Variants in SFMBT2 observed in about 807,000 individuals in gnomAD.
The protein encoded by SFMBT2 is Scm like with four mbt domains 2, also known as scm-like with four MBT domains protein 2.
A neutral mutation model predicts 110.1 loss-of-function variants in SFMBT2; 38 were observed. The observed-to-expected ratio is 0.35, with a 90% CI of 0.27 to 0.45. SFMBT2 has a LOEUF of 0.45. Among genes scored for constraint, SFMBT2 ranks in the 20% least tolerant of loss-of-function variants. The pLI is 1.00. For missense variants in SFMBT2, 1,011 were observed against 1,094.9 expected, an observed-to-expected ratio of 0.92 and a Z score of 1.08; for synonymous variants, 425 against 425.4, an observed-to-expected ratio of 1.00 and a Z score of 0.01.
chr10:7,269,827 C>CTT (rs5782963), intron 7 of SFMBT2, among the ~76,000 whole-genome samples: 120 of 136,638 alleles, frequency 8.8e-4, no homozygotes, highest in African/African-American at 2.8e-3. Context: ...GAAGATTTCT[C>CTT]TTTTTTTTTT....
chr10:7,361,020 G>A (rs1564458051), intron 4 of SFMBT2, among the ~76,000 whole-genome samples: 1 of 151,904 alleles, frequency 6.6e-6, no homozygotes, highest in African/African-American at 2.4e-5. Context: ...ATGACTTTTG[G>A]TTTATTTACA....
intron 4 of SFMBT2, among the ~76,000 whole-genome samples, chr10:7,321,333 C>G (rs1843181002): frequency 6.6e-6 from 1 of 151,936 alleles, no homozygotes; most frequent in South Asian, 2.1e-4. Context: ...TCCTGAGTAG[C>G]TGGGACTACA....
At chr10:7,341,858 C>A (rs1036921811) in intron 4 of SFMBT2, among the ~76,000 whole-genome samples, 2 of 152,130 alleles carry the variant, frequency 1.3e-5, no homozygotes, top group Non-Finnish European at 2.9e-5. Flanking sequence ...TATATTCTGT[C>A]TACTATTGGT....
At chr10:7,241,364 T>C in intron 9 of SFMBT2, 1 of 979,534 alleles carries the variant, frequency 1.0e-6, no homozygotes, top group Non-Finnish European at 1.2e-6. Flanking sequence ...TAGTTTCTTA[T>C]TGGAAGGTAC....
rs761338317 is a variant in SFMBT2, at chr10:7,171,031, C to T, written c.2441G>A (p.Arg814Lys). ...TEDTKQEEEE[R>K]LVLESNPLEW... ...CAACGGGTTGCTCTCCAGAACCAGT[C>T]TCTCCTCCTCCTCCTGTTTCGTGTC... is the stretch of plus-strand genomic sequence containing the variant. The change falls in exon 20 of 21, where the codon AGA (arginine) becomes AAA (lysine). Residue 814 changes from arginine (R) to lysine (K), a missense_variant. Physicochemically the swap from Arg to Lys is conservative, Grantham distance 26 (BLOSUM62 2). Transcript: ENST00000397167. The surrounding 1 kb of genome is among the most constrained non-coding windows in gnomAD (Gnocchi z 4.9). 2 of 1,614,056 alleles carry T rather than the reference C, an allele frequency of 1.2e-6. No homozygotes were observed. The highest frequency in any genetic ancestry group is 1.7e-6 in the Non-Finnish European group (2 of 1,180,028).
intron 7 of SFMBT2, among the ~76,000 whole-genome samples, chr10:7,270,846 G>T (rs1341255331): frequency 1.3e-5 from 2 of 152,110 alleles, no homozygotes; most frequent in African/African-American, 4.8e-5. Context: ...TAATAGCTTT[G>T]TGCAAAGACA....
At chr10:7,228,460 G>T (rs1418924594) in intron 9 of SFMBT2, 1 of 577,104 alleles carries the variant, frequency 1.7e-6, no homozygotes, top group African/African-American at 2.0e-5. Flanking sequence ...AAGAGTAGAG[G>T]GTTTGGAGAG....
At chr10:7,192,294 T>C (rs992172291) in intron 15 of SFMBT2, among the ~76,000 whole-genome samples, 2 of 152,222 alleles carry the variant, frequency 1.3e-5, no homozygotes, top group African/African-American at 4.8e-5. Context: ...ACATTCCCTC[T>C]GTCCAATATC....
At chr10:7,249,279 G>T (rs912870841) in intron 7 of SFMBT2, 1 of 172,584 alleles carries the variant, frequency 5.8e-6, no homozygotes, top group East Asian at 1.9e-4. Context: ...ATAGGGGTCT[G>T]GCAGTTTTAT....
chr10:7,218,090 C>G (rs56690688), intron 11 of SFMBT2, among the ~76,000 whole-genome samples: 1 of 152,086 alleles, frequency 6.6e-6, no homozygotes, highest in African/African-American at 2.4e-5. Context: ...GTGTTGAAAA[C>G]ACTTCAAATC....
At chr10:7,257,109 A>AGGGGAGGGGG (rs1841036542) in intron 7 of SFMBT2, among the ~76,000 whole-genome samples, 3 of 60,606 alleles carry the variant, frequency 4.9e-5, no homozygotes, top group Non-Finnish European at 6.3e-5. Flanking sequence ...AGGGGAGGGG[A>AGGGGAGGGGG]GGGGAGGGGA....
At chr10:7,366,030 C>T (rs574153433) in intron 4 of SFMBT2, among the ~76,000 whole-genome samples, 2 of 152,176 alleles carry the variant, frequency 1.3e-5, no homozygotes, top group African/African-American at 2.4e-5. Flanking sequence ...ACACTGAAGG[C>T]GCAGGCAGCC....
At chr10:7,176,450 G>A (rs1277041212) in intron 16 of SFMBT2, 1 of 982,394 alleles carries the variant, frequency 1.0e-6, no homozygotes, top group Non-Finnish European at 1.2e-6. Context: ...TACCAAAGAT[G>A]AGCGGTGCGG....
chr10:7,251,609 T>G (rs1351777329), intron 7 of SFMBT2, among the ~76,000 whole-genome samples: 2 of 152,218 alleles, frequency 1.3e-5, no homozygotes, highest in African/African-American at 4.8e-5. Flanking sequence ...AAAGGGGAAT[T>G]ATTATAGAAT....
chr10:7,235,556 G>T (rs1223582013), intron 9 of SFMBT2, among the ~76,000 whole-genome samples: 1 of 149,910 alleles, frequency 6.7e-6, no homozygotes, highest in Non-Finnish European at 1.5e-5. Context: ...CAACCACACA[G>T]CACACACATA....
chr10:7,390,789 T>C (rs1845742211), intron 1 of SFMBT2, among the ~76,000 whole-genome samples: 1 of 152,334 alleles, frequency 6.6e-6, no homozygotes, highest in South Asian at 2.1e-4. Flanking sequence ...TTTAAATGCA[T>C]CAAATCAATC....
At position 7,207,616 on chromosome 10, in the gene SFMBT2, T is replaced by G. The variant is rs57308789; in HGVS notation, c.1331-1688A>C. 3.2e-3 allele frequency: 3,134 copies of G among 984,364 alleles called. 75 individuals carry two copies. The African/African-American group carries it at 0.049, about 15-fold the overall frequency. 61.0% of individuals were successfully genotyped at this position (984,364 alleles called of 1,614,324 possible). On this transcript the variant is annotated intron_variant, in intron 11 of 20. Coordinates refer to ENST00000397167, the MANE Select transcript of SFMBT2 (RefSeq NM_001387889.1). ...TTACCATCCAAGTCATCTCATAACA[T>G]CTGAAGAATTCTGAATCACATCCTC...
At chr10:7,282,947 G>C (rs534503003) in intron 6 of SFMBT2, among the ~76,000 whole-genome samples, 1 of 152,274 alleles carries the variant, frequency 6.6e-6, no homozygotes, top group South Asian at 2.1e-4. Flanking sequence ...CAGTATTTCT[G>C]TTCTGAGGTT....
At chr10:7,230,940 C>T (rs76252122) in intron 9 of SFMBT2, among the ~76,000 whole-genome samples, 6 of 151,834 alleles carry the variant, frequency 4.0e-5, no homozygotes, top group South Asian at 4.2e-4. Context: ...TCTCAAAACA[C>T]GAAATAAAAA....
Sources: allele counts gnomAD v4.1 joint callset (sites outside exome capture counted in the v4.1 genomes callset), GRCh38; gene constraint gnomAD v4.1.1; non-coding constraint Gnocchi (gnomAD v3.1); transcripts MANE v1.5; gene names NCBI Gene and HGNC (gene_info 2026-07-23, HGNC 2026-07-21).